ERI3: variants seen among roughly 807,000 people sequenced by gnomAD.
ERI3 encodes the protein ERI1 exoribonuclease 3.
Under a neutral mutation model 44.4 loss-of-function variants are expected in ERI3, and 18 were observed. The ratio of observed to expected loss-of-function variants is 0.41; its 90% confidence interval spans 0.28 to 0.60. The LOEUF (loss-of-function observed/expected upper bound fraction) is 0.60, where lower values mean the gene tolerates loss of function less well. Ranked by LOEUF, ERI3 falls within the 20% of genes least tolerant of loss-of-function variation. The pLI is 0.36. For missense variants in ERI3, 294 were observed against 435.5 expected (o/e 0.68, Z 2.89); for synonymous variants, 183 against 164.8 (o/e 1.11, Z -0.84).
Position 44,319,775 on chromosome 1 carries a change from A to T in ERI3, c.490-31T>A, listed in dbSNP as rs781015918. ...GTGCCAAAGATACAGAAAAGGAAAA[A>T]TAAGTTATTGTAATCAACCATTTCC... On this transcript the variant is annotated intron_variant, in intron 3 of 8. Transcript: ENST00000372257. 11 of 1,487,604 alleles carry T rather than the reference A, an allele frequency of 7.4e-6. No individual in the cohort carries two copies. The East Asian group carries it at 2.3e-4, about 31-fold the overall frequency. 92.2% of individuals were successfully genotyped at this position (1,487,604 alleles called of 1,614,324 possible).
chr1:44,268,359 T>C (rs1645029423), intron 7 of ERI3, among the ~76,000 whole-genome samples: 1 of 152,154 alleles, frequency 6.6e-6, no homozygotes, highest in Non-Finnish European at 1.5e-5. Flanking sequence ...CCAGGGGATG[T>C]TAGCCCGAAC....
intron 2 of ERI3, among the ~76,000 whole-genome samples, chr1:44,340,463 G>A (rs552994477): frequency 5.9e-5 from 9 of 152,238 alleles, no homozygotes; most frequent in South Asian, 4.1e-4. Context: ...GCCTCTGATG[G>A]CTGCAAGTGG....
intron 3 of ERI3, among the ~76,000 whole-genome samples, chr1:44,331,495 CA>C (rs905228806): frequency 3.7e-4 from 56 of 152,274 alleles, no homozygotes; most frequent in African/African-American, 1.3e-3. Flanking sequence ...CACTTTCACC[CA>C]CACCCCTTTT....
intron 7 of ERI3, among the ~76,000 whole-genome samples, chr1:44,274,576 G>A (rs1645145633): frequency 6.6e-6 from 1 of 152,194 alleles, no homozygotes; most frequent in Non-Finnish European, 1.5e-5. Flanking sequence ...AGCTCCAGCA[G>A]CCCCTGACTC....
chr1:44,290,657 A>C (rs1437419656), intron 6 of ERI3, among the ~76,000 whole-genome samples: 1 of 152,170 alleles, frequency 6.6e-6, no homozygotes, highest in African/African-American at 2.4e-5. Context: ...GGCAGCACTT[A>C]GCTGGGGACA....
chr1:44,297,315 C>T (rs933828449), intron 6 of ERI3, among the ~76,000 whole-genome samples: 1 of 152,086 alleles, frequency 6.6e-6, no homozygotes, highest in Non-Finnish European at 1.5e-5. Flanking sequence ...ACAAATCATT[C>T]AGGCATGGGC....
At chr1:44,342,834 TATATATATATATATATATATATA>T (rs1480543793) in intron 2 of ERI3, among the ~76,000 whole-genome samples, 892 of 22,206 alleles carry the variant, frequency 0.04, 23 homozygotes, top group South Asian at 0.06. Flanking sequence ...TATATATATA[TATATATATATATATATATATATA>T]TTTTTTTTTT....
At position 44,221,699 on chromosome 1, in the gene ERI3, G is replaced by T; in HGVS notation, c.932-59C>A. 1.4e-6 allele frequency: 2 copies of T among 1,415,446 alleles called. No individual in the cohort carries two copies. The highest frequency in any genetic ancestry group is 2.0e-6 in the Non-Finnish European group (2 of 1,000,516). 87.7% of individuals were successfully genotyped at this position (1,415,446 alleles called of 1,614,324 possible). A position where few individuals can be genotyped will look rare whatever the true frequency, so the allele number is the denominator to read the frequency against. On this transcript the variant is annotated intron_variant, in intron 8 of 8. Coordinates refer to ENST00000372257, the MANE Select transcript of ERI3 (RefSeq NM_024066.3). The surrounding 1 kb of genome is among the most constrained non-coding windows in gnomAD (Gnocchi z 5.9). The stretch of plus-strand genomic sequence containing the variant: ...AGATCCTTCCCCTCCATGCCCACAG[G>T]TGCTCTTACAAGGGTGGGGGTGGGA...
chr1:44,225,441 T>C (rs1385388258), intron 8 of ERI3, among the ~76,000 whole-genome samples: 1 of 152,212 alleles, frequency 6.6e-6, no homozygotes, highest in Non-Finnish European at 1.5e-5. Context: ...CTAACCTGTT[T>C]TTATGTTTCT....
Position 44,324,004 on chromosome 1 carries a change from C to T in ERI3, c.490-4260G>A, listed in dbSNP as rs565707306. Among the ~76,000 whole-genome samples, 316 of 152,290 alleles carry T rather than the reference C, an allele frequency of 2.1e-3. 1 individual carries two copies. Among genetic ancestry groups the T allele is most frequent in the Non-Finnish European group, 3.4e-3 (231 of 68,032 alleles). On this transcript the variant is annotated intron_variant, in intron 3 of 8. Coordinates refer to ENST00000372257, the MANE Select transcript of ERI3 (RefSeq NM_024066.3). ...TTAAGAGCAATGAATGTGGACTCTC[C>T]AGGCAGAAAAGTTCTAGAGTTTGCT...
At chr1:44,249,424 GCA>G (rs1644628306) in intron 7 of ERI3, among the ~76,000 whole-genome samples, 1 of 152,160 alleles carries the variant, frequency 6.6e-6, no homozygotes, top group South Asian at 2.1e-4. Context: ...ATGGGAGGCT[GCA>G]CACAGTGTCT....
Position 44,221,489 on chromosome 1 carries a change from TG to T in ERI3, c.*68del. On this transcript the variant is annotated 3_prime_UTR_variant, in exon 9 of 9. Transcript: ENST00000372257. This position sits in a 1 kb window ranked among gnomAD's most constrained non-coding sequence, Gnocchi z 5.9. ...TGCCACTCTCCCTCTTCCCCTCTGG[TG>T]AGGGAGAGGAGGATTCTGGGCTGGG... 8.1e-7 allele frequency: 1 copy of T among 1,234,844 alleles called. No homozygotes were observed. The highest frequency in any genetic ancestry group is 1.7e-5 in the Admixed American group (1 of 58,652). 76.5% of individuals were successfully genotyped at this position (1,234,844 alleles called of 1,614,324 possible).
intron 8 of ERI3, among the ~76,000 whole-genome samples, chr1:44,233,072 G>C (rs1321006206): frequency 6.6e-6 from 1 of 152,092 alleles, no homozygotes; most frequent in Non-Finnish European, 1.5e-5. Flanking sequence ...CTGCCACCTG[G>C]AGCGTATGAC....
At chr1:44,227,040 G>A (rs148677907) in intron 8 of ERI3, among the ~76,000 whole-genome samples, 7 of 152,230 alleles carry the variant, frequency 4.6e-5, no homozygotes, top group Non-Finnish European at 8.8e-5. Flanking sequence ...GTCTGTTGGA[G>A]GCAGGAGTGA....
At chr1:44,310,954 C>T (rs57889761) in intron 5 of ERI3, among the ~76,000 whole-genome samples, 74 of 68,996 alleles carry the variant, frequency 1.1e-3, no homozygotes, top group African/African-American at 4.6e-3. Flanking sequence ...GTGCACATCG[C>T]GCGCGCGCGC....
chr1:44,265,516 G>A (rs1256258439), intron 7 of ERI3, among the ~76,000 whole-genome samples: 2 of 152,064 alleles, frequency 1.3e-5, no homozygotes, highest in Admixed American at 6.5e-5. Flanking sequence ...CTATTCTCAC[G>A]GAGCTCACAA....
chr1:44,328,950 C>T (rs993480399), intron 3 of ERI3, among the ~76,000 whole-genome samples: 1 of 152,230 alleles, frequency 6.6e-6, no homozygotes, highest in Non-Finnish European at 1.5e-5. Context: ...CCTGTCACAT[C>T]CAAGAACTTC....
At chr1:44,324,584 C>G (rs1646270207) in intron 3 of ERI3, among the ~76,000 whole-genome samples, 1 of 151,204 alleles carries the variant, frequency 6.6e-6, no homozygotes, top group East Asian at 2.0e-4. Flanking sequence ...CGGGTTCACG[C>G]CATTCTCCTG....
intron 8 of ERI3, among the ~76,000 whole-genome samples, chr1:44,223,149 G>A (rs145284963): frequency 2.0e-5 from 3 of 152,300 alleles, no homozygotes; most frequent in African/African-American, 2.4e-5. Flanking sequence ...GAAGCCATAC[G>A]GGCTGGTCTG....
Sources: allele counts gnomAD v4.1 joint callset (sites outside exome capture counted in the v4.1 genomes callset), GRCh38; gene constraint gnomAD v4.1.1; non-coding constraint Gnocchi (gnomAD v3.1); transcripts MANE v1.5; gene names NCBI Gene and HGNC (gene_info 2026-07-23, HGNC 2026-07-21).